Variants in LHFPL3 observed in about 807,000 individuals in gnomAD.
LHFPL3 encodes LHFPL tetraspan subfamily member 3 protein.
A neutral mutation model predicts 19.3 loss-of-function variants in LHFPL3; 5 were observed. The observed-to-expected ratio is 0.26, with a 90% CI of 0.14 to 0.54. LHFPL3 has a LOEUF of 0.54. Among genes scored for constraint, LHFPL3 ranks in the 20% least tolerant of loss-of-function variants. The pLI is 0.94. For missense variants in LHFPL3, 249 were observed against 307.4 expected (o/e 0.81, Z 1.42); for synonymous variants, 133 against 126.2 (o/e 1.05, Z -0.36).
intron 1 of LHFPL3, among the ~76,000 whole-genome samples, chr7:104,416,047 C>T (rs1260037205): frequency 1.3e-5 from 2 of 152,188 alleles, no homozygotes; most frequent in Non-Finnish European, 2.9e-5. Context: ...TTTGGAGATA[C>T]TGTAGTTGCA....
At chr7:104,596,759 C>A (rs1214921655) in intron 1 of LHFPL3, among the ~76,000 whole-genome samples, 4 of 152,328 alleles carry the variant, frequency 2.6e-5, no homozygotes, top group African/African-American at 9.6e-5. Flanking sequence ...CTCAGCTTGG[C>A]CAGCTTTCAT....
At chr7:104,472,168 C>A (rs1270076068) in intron 1 of LHFPL3, among the ~76,000 whole-genome samples, 1 of 134,748 alleles carries the variant, frequency 7.4e-6, no homozygotes, top group Non-Finnish European at 1.6e-5. Context: ...CAGAGTGAGA[C>A]CCTATCTCAA....
rs775511058 is a variant in LHFPL3 at position 104,328,832 on chromosome 7, C to G, written c.53C>G (p.Ala18Gly). 1.2e-6 allele frequency: 2 copies of G among 1,613,594 alleles called. No individual in the cohort carries two copies. The highest frequency in any genetic ancestry group is 2.7e-5 in the African/African-American group (2 of 75,042). Reference protein sequence around the residue: ...AAAAAAAMLPAQEAAKLYHTN... With the variant: ...AAAAAAAMLPGQEAAKLYHTN... The stretch of plus-strand genomic sequence containing the variant: ...GCCGCCGCCGCCGCGATGCTCCCGG[C>G]TCAGGAGGCTGCCAAGCTGTACCAC... Residue 18 changes from alanine (A) to glycine (G), a missense_variant, in exon 1 of 3, where the codon GCT (alanine) becomes GGT (glycine). Ala to Gly is a moderately conservative substitution (Grantham distance 60, BLOSUM62 0). Coordinates refer to ENST00000424859, the MANE Select transcript of LHFPL3 (RefSeq NM_199000.3). The surrounding 1 kb of genome is among the most constrained non-coding windows in gnomAD (Gnocchi z 4.6).
intron 2 of LHFPL3, among the ~76,000 whole-genome samples, chr7:104,856,376 A>C (rs1231503178): frequency 6.6e-6 from 1 of 150,716 alleles, no homozygotes; most frequent in Non-Finnish European, 1.5e-5. Context: ...CAGCCTCCCG[A>C]GTAGCCGGGA....
chr7:104,480,895 A>G (rs941970251), intron 1 of LHFPL3, among the ~76,000 whole-genome samples: 2 of 152,184 alleles, frequency 1.3e-5, no homozygotes, highest in African/African-American at 4.8e-5. Context: ...ATTCTGATGT[A>G]TTTAGCGAAC....
chr7:104,584,499 ACTTCAT>A (rs1331962725), intron 1 of LHFPL3, among the ~76,000 whole-genome samples: 1 of 152,102 alleles, frequency 6.6e-6, no homozygotes, highest in Non-Finnish European at 1.5e-5. Flanking sequence ...GAGATTACTT[ACTTCAT>A]CTTTATTAGA....
intron 1 of LHFPL3, among the ~76,000 whole-genome samples, chr7:104,414,124 T>A (rs1791579511): frequency 6.6e-6 from 1 of 151,964 alleles, no homozygotes; most frequent in Admixed American, 6.6e-5. Flanking sequence ...CACAGAAGCT[T>A]TTTTTTTCTT....
At chr7:104,521,032 G>A (rs1452913852) in intron 1 of LHFPL3, among the ~76,000 whole-genome samples, 1 of 151,890 alleles carries the variant, frequency 6.6e-6, no homozygotes, top group Non-Finnish European at 1.5e-5. Context: ...TCTTTTAATT[G>A]TGATGTTAGG....
intron 1 of LHFPL3, among the ~76,000 whole-genome samples, chr7:104,349,993 GGTGC>G (rs1219813054): frequency 6.6e-6 from 1 of 151,986 alleles, no homozygotes; most frequent in Non-Finnish European, 1.5e-5. Context: ...GTACTATTCT[GGTGC>G]TCTATGTATT....
chr7:104,847,340 C>G (rs763189354), intron 2 of LHFPL3, among the ~76,000 whole-genome samples: 9 of 152,202 alleles, frequency 5.9e-5, no homozygotes, highest in Non-Finnish European at 1.3e-4. Flanking sequence ...GAGAATAATT[C>G]AAAAGCCAAT....
intron 1 of LHFPL3, among the ~76,000 whole-genome samples, chr7:104,567,363 C>A (rs941711463): frequency 6.6e-6 from 1 of 152,146 alleles, no homozygotes; most frequent in Non-Finnish European, 1.5e-5. Flanking sequence ...ACAGAGACTT[C>A]TTCAGGAGGT....
intron 1 of LHFPL3, among the ~76,000 whole-genome samples, chr7:104,533,057 G>A (rs960286922): frequency 6.6e-6 from 1 of 152,150 alleles, no homozygotes; most frequent in African/African-American, 2.4e-5. Flanking sequence ...TTTACTCATG[G>A]CTATATATAA....
At chr7:104,682,935 C>A (rs1156747555) in intron 1 of LHFPL3, among the ~76,000 whole-genome samples, 1 of 152,140 alleles carries the variant, frequency 6.6e-6, no homozygotes, top group Non-Finnish European at 1.5e-5. Context: ...TTAGGTATTT[C>A]TTTTCAGTTG....
intron 1 of LHFPL3, among the ~76,000 whole-genome samples, chr7:104,524,558 C>A (rs1794146387): frequency 6.6e-6 from 1 of 152,120 alleles, no homozygotes. Context: ...AGGCCTAGCC[C>A]AGTGCTTCTC....
chr7:104,571,478 T>G (rs1000465473), intron 1 of LHFPL3, among the ~76,000 whole-genome samples: 2 of 152,164 alleles, frequency 1.3e-5, no homozygotes, highest in African/African-American at 4.8e-5. Flanking sequence ...TCGCCAGCTT[T>G]TCTTCCTCAC....
chr7:104,572,513 A>G (rs1215034770), intron 1 of LHFPL3, among the ~76,000 whole-genome samples: 1 of 152,214 alleles, frequency 6.6e-6, no homozygotes, highest in East Asian at 1.9e-4. Context: ...CTTTTATTCA[A>G]GCAGTGGGAA....
Position 104,589,856 on chromosome 7 carries a change from G to A in LHFPL3, c.446-146819G>A, listed in dbSNP as rs142738298. ...TTAATCTTGGGAGGGTGTATGTGCCGAGGAATTTATCCATTTCTTCTAGAT... is the reference window on the plus strand; with the variant it reads ...TTAATCTTGGGAGGGTGTATGTGCCAAGGAATTTATCCATTTCTTCTAGAT... On this transcript the variant is annotated intron_variant, in intron 1 of 2. Transcript: ENST00000424859. Among the ~76,000 whole-genome samples the A allele has an allele frequency of 1.2e-3, 180 of 152,122 alleles. 1 individual carries two copies. The East Asian group carries it at 0.012, about 10-fold the overall frequency.
chr7:104,608,232 A>G (rs1227196236), intron 1 of LHFPL3, among the ~76,000 whole-genome samples: 2 of 151,932 alleles, frequency 1.3e-5, no homozygotes, highest in Non-Finnish European at 2.9e-5. Flanking sequence ...AATAGCAAAG[A>G]CTTGGAACCA....
At chr7:104,436,397 AT>A (rs1792106807) in intron 1 of LHFPL3, among the ~76,000 whole-genome samples, 1 of 152,208 alleles carries the variant, frequency 6.6e-6, no homozygotes, top group Non-Finnish European at 1.5e-5. Context: ...CAGAGAGTGA[AT>A]AACTATCCCA....
Sources: allele counts gnomAD v4.1 joint callset (sites outside exome capture counted in the v4.1 genomes callset), GRCh38; gene constraint gnomAD v4.1.1; non-coding constraint Gnocchi (gnomAD v3.1); transcripts MANE v1.5; gene names NCBI Gene and HGNC (gene_info 2026-07-23, HGNC 2026-07-21).